The following HDAC9 variants were observed in gnomAD, a reference collection of about 807,000 sequenced individuals.
The protein encoded by HDAC9 is MEF-2 interacting transcription repressor (MITR) protein.
Under a neutral mutation model 139.4 loss-of-function variants are expected in HDAC9, and 41 were observed. The ratio of observed to expected loss-of-function variants is 0.29; its 90% CI spans 0.23 to 0.38. The LOEUF is 0.38. HDAC9 is among the 10% of genes least tolerant of loss of function. The pLI is 1.00. For synonymous variants in HDAC9, 517 were observed against 476.2 expected (o/e 1.09, Z -1.12); for missense variants, 1,147 against 1,297.0 (o/e 0.88, Z 1.78).
intron 11 of HDAC9, among the ~76,000 whole-genome samples, chr7:18,660,781 G>A (rs774585973): frequency 1.9e-4 from 29 of 152,232 alleles, no homozygotes; most frequent in Non-Finnish European, 3.2e-4. Context: ...AACTCTGCAT[G>A]TTTTTATTCA....
chr7:18,303,199 C>G (rs1798659180), intron 1 of HDAC9, among the ~76,000 whole-genome samples: 1 of 151,948 alleles, frequency 6.6e-6, no homozygotes, highest in African/African-American at 2.4e-5. Flanking sequence ...TCAGAGATGG[C>G]AAATGGGTAG....
intron 12 of HDAC9, among the ~76,000 whole-genome samples, chr7:18,702,460 G>A (rs573267521): frequency 2.0e-5 from 3 of 152,252 alleles, no homozygotes; most frequent in Admixed American, 1.3e-4. Flanking sequence ...TTTGGGATGC[G>A]GCCTGTAAGG....
At chr7:18,273,447 C>A (rs1444755600) in intron 2 of HDAC9, among the ~76,000 whole-genome samples, 1 of 152,110 alleles carries the variant, frequency 6.6e-6, no homozygotes, top group Non-Finnish European at 1.5e-5. Context: ...GACTAATTTA[C>A]ACATAATATA....
intron 2 of HDAC9, among the ~76,000 whole-genome samples, chr7:18,522,666 T>TTTCTTGTCCTGTC: frequency 6.6e-6 from 1 of 152,120 alleles, no homozygotes; most frequent in East Asian, 1.9e-4. Flanking sequence ...GCCTCTCTTA[T>TTTCTTGTCCTGTC]TTCTTGTCCT....
intron 2 of HDAC9, among the ~76,000 whole-genome samples, chr7:18,533,251 G>A (rs531028761): frequency 6.6e-6 from 1 of 151,948 alleles, no homozygotes; most frequent in South Asian, 2.1e-4. Flanking sequence ...TATTTTCTCC[G>A]GGAGTTTCCA....
At chr7:18,843,229 G>GTT (rs1266703275) in intron 21 of HDAC9, among the ~76,000 whole-genome samples, 1 of 152,048 alleles carries the variant, frequency 6.6e-6, no homozygotes, top group Non-Finnish European at 1.5e-5. Context: ...ATTTGTTTTT[G>GTT]TTTTGCAGAT....
At position 18,907,872 on chromosome 7, in the gene HDAC9, G is replaced by C. The variant is rs977259712; in HGVS notation, c.2804-27937G>C. Among the ~76,000 whole-genome samples the C allele has an allele frequency of 5.9e-5, 9 of 152,036 alleles. No homozygotes were observed. In the East Asian group the frequency reaches 9.7e-4, roughly 16 times the overall value. ...GAAACGGAGCCACTCCCCTAGAATT[G>C]GATCTGATTAAATTTATACCTCTGG... is the stretch of plus-strand genomic sequence containing the variant. On this transcript the variant is annotated intron_variant, in intron 22 of 25. Coordinates refer to ENST00000686413, the MANE Select transcript of HDAC9 (RefSeq NM_178425.4).
chr7:18,262,611 AC>A (rs1795752346), intron 2 of HDAC9, among the ~76,000 whole-genome samples: 2 of 152,212 alleles, frequency 1.3e-5, no homozygotes, highest in Admixed American at 1.3e-4. Context: ...TTTGTTTGTA[AC>A]ATTTTTTCTT....
At chr7:18,840,296 T>A (rs1796504579) in intron 21 of HDAC9, among the ~76,000 whole-genome samples, 1 of 152,050 alleles carries the variant, frequency 6.6e-6, no homozygotes, top group African/African-American at 2.4e-5. Flanking sequence ...TGTTGTAGTA[T>A]GTAGCTACCT....
At chr7:18,837,771 C>T (rs764489988) in intron 21 of HDAC9, among the ~76,000 whole-genome samples, 1 of 152,092 alleles carries the variant, frequency 6.6e-6, no homozygotes, top group African/African-American at 2.4e-5. Flanking sequence ...TCTTTGAACA[C>T]AACCATTCCA....
chr7:18,480,338 C>T (rs1795458298), intron 1 of HDAC9, among the ~76,000 whole-genome samples: 1 of 152,130 alleles, frequency 6.6e-6, no homozygotes, highest in Admixed American at 6.5e-5. Context: ...TGTTTTTTCT[C>T]CTAGCACCAC....
intron 12 of HDAC9, among the ~76,000 whole-genome samples, chr7:18,715,632 C>G (rs1784647072): frequency 6.6e-6 from 1 of 152,038 alleles, no homozygotes; most frequent in African/African-American, 2.4e-5. Flanking sequence ...TGGGATCCTA[C>G]TTACTTGACC....
At chr7:18,700,826 G>T (rs565009452) in intron 12 of HDAC9, among the ~76,000 whole-genome samples, 1 of 152,164 alleles carries the variant, frequency 6.6e-6, no homozygotes, top group African/African-American at 2.4e-5. Context: ...GTAGCCAGAA[G>T]TTGCTGGCCC....
intron 1 of HDAC9, among the ~76,000 whole-genome samples, chr7:18,131,162 C>T (rs375544458): frequency 9.2e-5 from 14 of 152,200 alleles, no homozygotes; most frequent in Non-Finnish European, 1.5e-5. Context: ...AGGAGAACTT[C>T]GTCAGCATAC....
intron 1 of HDAC9, among the ~76,000 whole-genome samples, chr7:18,480,928 G>T (rs1023961874): frequency 6.6e-6 from 1 of 152,172 alleles, no homozygotes; most frequent in Non-Finnish European, 1.5e-5. Flanking sequence ...GCTTATCTCA[G>T]TTCCTCGTGC....
intron 12 of HDAC9, among the ~76,000 whole-genome samples, chr7:18,671,323 C>T (rs999212760): frequency 2.0e-5 from 3 of 151,932 alleles, no homozygotes; most frequent in Non-Finnish European, 4.4e-5. Flanking sequence ...TCTGACCACA[C>T]CCCTAGAGGT....
At chr7:18,549,958 A>G (rs182371186) in intron 2 of HDAC9, among the ~76,000 whole-genome samples, 20 of 145,688 alleles carry the variant, frequency 1.4e-4, no homozygotes, top group African/African-American at 4.1e-4. Flanking sequence ...TTTTTTTTGT[A>G]GGATACTGAG....
At chr7:18,765,788 A>G (rs1789782789) in intron 15 of HDAC9, among the ~76,000 whole-genome samples, 1 of 151,640 alleles carries the variant, frequency 6.6e-6, no homozygotes, top group African/African-American at 2.4e-5. Context: ...AGAAAACTTT[A>G]CTCCTCCCCC....
intron 22 of HDAC9, among the ~76,000 whole-genome samples, chr7:18,894,222 A>G (rs1800962267): frequency 6.6e-6 from 1 of 152,144 alleles, no homozygotes; most frequent in Non-Finnish European, 1.5e-5. Context: ...AGTTGTTATC[A>G]GCATATAGAC....
Sources: allele counts gnomAD v4.1 joint callset (sites outside exome capture counted in the v4.1 genomes callset), GRCh38; gene constraint gnomAD v4.1.1; transcripts MANE v1.5; gene names NCBI Gene and HGNC (gene_info 2026-07-23, HGNC 2026-07-21).